The following NCKAP5 variants were observed in gnomAD, a reference collection of about 807,000 sequenced individuals.
The protein encoded by NCKAP5 is nck-associated protein 5.
A neutral mutation model predicts 167.0 loss-of-function variants in NCKAP5; 92 were observed. That is an observed-to-expected ratio of 0.55 (90% confidence interval 0.47 to 0.66). NCKAP5 has a LOEUF of 0.66. Among genes scored for constraint, NCKAP5 ranks in the 30% least tolerant of loss-of-function variants. The pLI, the probability that NCKAP5 is intolerant of heterozygous loss-of-function variation, is 0.00. For missense variants in NCKAP5, 2,378 were observed against 2,315.0 expected (o/e 1.03, Z -0.56); for synonymous variants, 891 against 877.4 (o/e 1.02, Z -0.27).
intron 3 of NCKAP5, among the ~76,000 whole-genome samples, chr2:133,458,848 T>C (rs922925788): frequency 6.6e-6 from 1 of 152,132 alleles, no homozygotes; most frequent in African/African-American, 2.4e-5. Context: ...TGTTGTCAAA[T>C]TGAGATGTCA....
chr2:133,659,203 C>T, the NCKAP5 span, among the ~76,000 whole-genome samples: 2 of 152,026 alleles, frequency 1.3e-5, no homozygotes, highest in East Asian at 1.9e-4. Context: ...ATTCCTCACT[C>T]GTTAGACTCT....
chr2:132,749,360 T>G (rs1446614853), intron 16 of NCKAP5, among the ~76,000 whole-genome samples: 1 of 151,996 alleles, frequency 6.6e-6, no homozygotes, highest in Admixed American at 6.6e-5. Context: ...CAAGCCACCA[T>G]GCCTGGCTAA....
At chr2:132,981,719 T>A (rs1223950594) in intron 7 of NCKAP5, among the ~76,000 whole-genome samples, 3 of 152,204 alleles carry the variant, frequency 2.0e-5, no homozygotes, top group African/African-American at 4.8e-5. Flanking sequence ...ATGTCCTAAA[T>A]TCCCGTTTTC....
chr2:132,782,710 C>T lies in NCKAP5; in HGVS notation c.4101G>A (p.Lys1367=). 4.3e-6 allele frequency: 7 copies of T among 1,613,982 alleles called. No individual in the cohort carries two copies. Among genetic ancestry groups the T allele is most frequent in the Non-Finnish European group, 5.9e-6 (7 of 1,179,878 alleles). Residue 1367 remains lysine, a synonymous_variant, in exon 14 of 20, where the codon AAG becomes AAA. Transcript: ENST00000409261. ...SFSSQHGSPS[K]LPLRIPPKSE... ...ACTTTGGAGGGATCCTCAAAGGCAA[C>T]TTACTTGGGCTCCCATGCTGACTGC...
intron 3 of NCKAP5, among the ~76,000 whole-genome samples, chr2:133,357,383 A>G (rs1684813073): frequency 6.6e-6 from 1 of 152,078 alleles, no homozygotes. Context: ...TTAAAATAGA[A>G]TAAATTCTTA....
chr2:133,345,984 C>T (rs958939033), intron 3 of NCKAP5, among the ~76,000 whole-genome samples: 1 of 152,114 alleles, frequency 6.6e-6, no homozygotes, highest in Non-Finnish European at 1.5e-5. Context: ...CAAGAAGCAG[C>T]AGCAGGAAGT....
intron 8 of NCKAP5, among the ~76,000 whole-genome samples, chr2:132,925,853 C>T (rs1168244412): frequency 6.6e-6 from 1 of 152,202 alleles, no homozygotes; most frequent in Non-Finnish European, 1.5e-5. Flanking sequence ...TCAAGATTTC[C>T]TGACCACCAG....
intron 8 of NCKAP5, chr2:132,926,167 T>C (rs921134700): frequency 1.6e-5 from 6 of 377,190 alleles, no homozygotes; most frequent in Non-Finnish European, 3.2e-5. Flanking sequence ...TTCTGAGTTA[T>C]TTCTCTTAGG....
chr2:132,781,118 A>T lies in NCKAP5; in HGVS notation c.4983T>A (p.Ser1661Arg). The T allele has an allele frequency of 6.2e-7, 1 of 1,613,890 alleles. No homozygotes were observed. The highest frequency in any genetic ancestry group is 1.1e-5 in the South Asian group (1 of 91,050). The change falls in exon 15 of 20, where the codon AGT becomes AGA. Residue 1661 changes from serine (S) to arginine (R), a missense_variant. Around this residue, in one of 3 missense-constraint regions of NCKAP5, gnomAD observed 1,325 missense variants for 1,274.5 expected, o/e 1.04. Transcript: ENST00000409261. ...TGTTTTTCTTGTGGTTTCCTTGAGT[A>T]CTGATAGAGCTGCCGATGAGACAGG... is the stretch of plus-strand genomic sequence containing the variant. The part of the protein sequence containing the change: ...QGSCLIGSSI[S>R]TQGNHKKNMK...
At chr2:132,758,414 A>G (rs970357684) in intron 16 of NCKAP5, among the ~76,000 whole-genome samples, 2 of 152,220 alleles carry the variant, frequency 1.3e-5, no homozygotes, top group African/African-American at 4.8e-5. Flanking sequence ...GCTGCTTTTC[A>G]GTCGCTGATT....
intron 6 of NCKAP5, among the ~76,000 whole-genome samples, chr2:133,032,050 G>A (rs2078897494): frequency 6.6e-6 from 1 of 152,070 alleles, no homozygotes; most frequent in Admixed American, 6.5e-5. Flanking sequence ...CAGCTGTGGT[G>A]GCAAAGGGGC....
rs138887770 is a variant in NCKAP5, at chr2:133,027,509, A to C, written c.342-33270T>G. Among the ~76,000 whole-genome samples the C allele has an allele frequency of 1.3e-3, 200 of 152,336 alleles. 1 individual carries two copies. The highest frequency in any genetic ancestry group is 3.8e-3 in the African/African-American group (159 of 41,586). On this transcript the variant is annotated intron_variant, in intron 6 of 19. Coordinates refer to ENST00000409261, the MANE Select transcript of NCKAP5 (RefSeq NM_207363.3). Reference sequence around the variant, plus strand: ...GGTCAAGTGACTAGCTCAAGGTCACACAGAGTGTAAGTGGTAGAGCTGGAA... The same window carrying C: ...GGTCAAGTGACTAGCTCAAGGTCACCCAGAGTGTAAGTGGTAGAGCTGGAA...
intron 5 of NCKAP5, among the ~76,000 whole-genome samples, chr2:133,166,896 C>A (rs1480808791): frequency 6.6e-6 from 1 of 152,068 alleles, no homozygotes; most frequent in Non-Finnish European, 1.5e-5. Flanking sequence ...TACAGATCTC[C>A]CGTCTGAGCT....
intron 8 of NCKAP5, among the ~76,000 whole-genome samples, chr2:132,895,633 CTGA>C (rs1213451195): frequency 6.6e-6 from 1 of 151,892 alleles, no homozygotes; most frequent in African/African-American, 2.4e-5. Context: ...TCAACAGGTG[CTGA>C]TGATTACTAT....
intron 3 of NCKAP5, among the ~76,000 whole-genome samples, chr2:133,329,786 AC>A (rs1344869985): frequency 2.0e-5 from 3 of 152,124 alleles, no homozygotes; most frequent in Non-Finnish European, 4.4e-5. Flanking sequence ...CACACACTGT[AC>A]CCCAAAGGTG....
chr2:133,529,136 T>A (rs900000484), intron 2 of NCKAP5, among the ~76,000 whole-genome samples: 1 of 152,018 alleles, frequency 6.6e-6, no homozygotes, highest in African/African-American at 2.4e-5. Flanking sequence ...ATGAGATAAT[T>A]TTTTTTTATT....
chr2:132,799,671 A>G (rs1684877182), intron 11 of NCKAP5, among the ~76,000 whole-genome samples: 1 of 152,254 alleles, frequency 6.6e-6, no homozygotes, highest in Non-Finnish European at 1.5e-5. Context: ...TCATTGTTAT[A>G]GCTTTCATAC....
At chr2:132,751,254 A>G (rs1680086780) in intron 16 of NCKAP5, among the ~76,000 whole-genome samples, 1 of 152,062 alleles carries the variant, frequency 6.6e-6, no homozygotes, top group South Asian at 2.1e-4. Flanking sequence ...GTTGTTAAAA[A>G]GAGCCTGGCA....
intron 4 of NCKAP5, among the ~76,000 whole-genome samples, chr2:133,267,119 G>A (rs2089279290): frequency 1.3e-5 from 2 of 152,270 alleles, no homozygotes; most frequent in South Asian, 2.1e-4. Context: ...GGGAGGTGGG[G>A]GTGAGGGGAC....
Sources: gnomAD v4.1 joint callset for allele counts (sites outside exome capture counted in the v4.1 genomes callset) on GRCh38, gnomAD v4.1.1 for gene constraint, gnomAD v4.1.1 regional missense constraint, MANE v1.5 for transcripts, NCBI Gene and HGNC (gene_info 2026-07-23, HGNC 2026-07-21) for gene names.